Variants in COL19A1 observed in about 807,000 individuals in gnomAD.
COL19A1 encodes collagen type XIX alpha 1 chain.
In COL19A1, 159 loss-of-function variants were observed where a neutral mutation model predicts 190.2. That is an observed-to-expected ratio of 0.84 (90% CI 0.73 to 0.95). COL19A1 has a LOEUF of 0.95. Ranked by LOEUF, COL19A1 falls within the 40% of genes least tolerant of loss-of-function variation. The pLI is 0.00. For missense variants in COL19A1, 1,418 were observed against 1,431.9 expected (o/e 0.99, Z 0.16); for synonymous variants, 509 against 458.9 (o/e 1.11, Z -1.39).
intron 36 of COL19A1, among the ~76,000 whole-genome samples, chr6:70,165,223 A>T (rs917574207): frequency 6.6e-6 from 1 of 152,216 alleles, no homozygotes; most frequent in Non-Finnish European, 1.5e-5. Flanking sequence ...ACCGATAAAC[A>T]TCTATGGTTT....
chr6:69,874,547 C>T (rs867105931), intron 1 of COL19A1, among the ~76,000 whole-genome samples: 2 of 151,994 alleles, frequency 1.3e-5, no homozygotes, highest in Non-Finnish European at 2.9e-5. Flanking sequence ...GTCAGGAGAT[C>T]GAGACCATCC....
At chr6:70,074,262 G>T (rs1781729720) in intron 15 of COL19A1, among the ~76,000 whole-genome samples, 1 of 152,048 alleles carries the variant, frequency 6.6e-6, no homozygotes, top group Admixed American at 6.5e-5. Context: ...ACTTTGGAAG[G>T]CCAAGACGGG....
intron 15 of COL19A1, among the ~76,000 whole-genome samples, chr6:70,080,984 T>C (rs183135812): frequency 1.3e-5 from 2 of 152,288 alleles, no homozygotes; most frequent in African/African-American, 4.8e-5. Context: ...CTTTTCAAAG[T>C]AAAATGAGGA....
chr6:70,202,409 A>G (rs1767606598), intron 49 of COL19A1, among the ~76,000 whole-genome samples: 1 of 152,220 alleles, frequency 6.6e-6, no homozygotes, highest in African/African-American at 2.4e-5. Context: ...AGTTTTTAAA[A>G]CCAAAAGTTG....
intron 16 of COL19A1, among the ~76,000 whole-genome samples, chr6:70,115,940 A>G (rs1784554264): frequency 1.3e-5 from 2 of 150,036 alleles, no homozygotes; most frequent in Non-Finnish European, 2.9e-5. Context: ...TGCTTAATTT[A>G]TGTAATTAAA....
intron 11 of COL19A1, among the ~76,000 whole-genome samples, chr6:69,968,462 G>A (rs1161005443): frequency 6.6e-6 from 1 of 151,960 alleles, no homozygotes; most frequent in African/African-American, 2.4e-5. Context: ...TATTTAACTT[G>A]TAACAGCAGA....
In COL19A1 at chr6:70,207,497, A is replaced by G. The variant is rs1262995581; in HGVS notation, c.*223A>G. 3.0e-6 allele frequency: 1 copy of G among 329,612 alleles called. No individual in the cohort carries two copies. Among genetic ancestry groups the G allele is most frequent in the African/African-American group, 2.1e-5 (1 of 47,064 alleles). The allele number at this position is 329,612 out of a possible 1,614,324, so 20.4% of individuals were successfully genotyped here. On this transcript the variant is annotated 3_prime_UTR_variant, in exon 51 of 51. Transcript: ENST00000620364. ...TTCATTCCATATGTTTTGCTTTACA[A>G]TTGCTATGATTTTTACTCAGAGTTT...
chr6:70,077,815 A>G (rs1582855166), intron 15 of COL19A1, among the ~76,000 whole-genome samples: 1 of 152,166 alleles, frequency 6.6e-6, no homozygotes, highest in South Asian at 2.1e-4. Flanking sequence ...TGTAAACACA[A>G]TTTATGTGCA....
intron 11 of COL19A1, among the ~76,000 whole-genome samples, chr6:70,008,543 TA>T (rs1777774633): frequency 6.6e-6 from 1 of 152,086 alleles, no homozygotes; most frequent in Non-Finnish European, 1.5e-5. Flanking sequence ...TTGTAATAGT[TA>T]AAATCTTGCT....
chr6:70,041,099 A>T (rs1779614202), intron 14 of COL19A1, among the ~76,000 whole-genome samples: 1 of 152,356 alleles, frequency 6.6e-6, no homozygotes, highest in East Asian at 1.9e-4. Flanking sequence ...ACACACAAAA[A>T]AGAAAGACTA....
At chr6:70,090,681 C>A (rs1782865752) in intron 15 of COL19A1, among the ~76,000 whole-genome samples, 1 of 152,088 alleles carries the variant, frequency 6.6e-6, no homozygotes, top group Non-Finnish European at 1.5e-5. Flanking sequence ...GGCAATTTTA[C>A]CTTCTGGCCT....
rs149787569 is a variant in COL19A1 at position 69,998,904 on chromosome 6, G to A, written c.1027-24723G>A. On this transcript the variant is annotated intron_variant, in intron 11 of 50. Transcript: ENST00000620364. ...ACTTCAAAGTTGCAGACATGAGTACGTTTCACTTCTAAAATGTTAACATGC... is the reference window on the plus strand; with the variant it reads ...ACTTCAAAGTTGCAGACATGAGTACATTTCACTTCTAAAATGTTAACATGC... Among the ~76,000 whole-genome samples, 995 of 151,422 alleles carry A rather than the reference G, an allele frequency of 6.6e-3. 9 individuals are homozygous for A. The highest frequency in any genetic ancestry group is 0.023 in the African/African-American group (943 of 41,290).
At chr6:69,954,474 G>T (rs1185365180) in intron 9 of COL19A1, among the ~76,000 whole-genome samples, 2 of 151,990 alleles carry the variant, frequency 1.3e-5, no homozygotes, top group Admixed American at 1.3e-4. Context: ...AGGAAAGATC[G>T]GAAAAGCACC....
chr6:69,895,130 G>T (rs1176474651), intron 2 of COL19A1, among the ~76,000 whole-genome samples: 1 of 152,212 alleles, frequency 6.6e-6, no homozygotes, highest in Non-Finnish European at 1.5e-5. Flanking sequence ...CCAGTCAGCT[G>T]GCTGTGGGGG....
chr6:70,096,291 G>A (rs1582900035), intron 15 of COL19A1, among the ~76,000 whole-genome samples: 1 of 149,460 alleles, frequency 6.7e-6, no homozygotes, highest in Admixed American at 6.7e-5. Context: ...ACGGGGTTTT[G>A]CCATGGTGCC....
At chr6:69,895,282 G>C (rs1364507121) in intron 2 of COL19A1, among the ~76,000 whole-genome samples, 3 of 152,196 alleles carry the variant, frequency 2.0e-5, no homozygotes, top group African/African-American at 4.8e-5. Flanking sequence ...TGGTGGGGTG[G>C]TTTCCCATAA....
At position 69,938,341 on chromosome 6, in the gene COL19A1, C is replaced by T. The variant is rs113405801; in HGVS notation, c.936+241C>T. On this transcript the variant is annotated intron_variant, in intron 9 of 50. Coordinates refer to ENST00000620364, the MANE Select transcript of COL19A1 (RefSeq NM_001858.6). ...GATCTGGAACTGCAAGTCTTTGTAC[C>T]TATAAGCTCTAGCAAAACTGTGAAG... Among the ~76,000 whole-genome samples, 1,210 of 152,142 alleles carry T rather than the reference C, an allele frequency of 8.0e-3. 11 individuals carry two copies. Among genetic ancestry groups the T allele is most frequent in the Non-Finnish European group, 0.011 (745 of 67,988 alleles).
chr6:69,958,950 T>A (rs1774599167), intron 9 of COL19A1, among the ~76,000 whole-genome samples: 1 of 152,224 alleles, frequency 6.6e-6, no homozygotes, highest in Admixed American at 6.5e-5. Context: ...GTTTAAAAAC[T>A]GTTATCTTAT....
At chr6:69,984,242 T>C (rs1049836717) in intron 11 of COL19A1, among the ~76,000 whole-genome samples, 2 of 152,166 alleles carry the variant, frequency 1.3e-5, no homozygotes, top group Admixed American at 6.5e-5. Context: ...TGTCTATTGA[T>C]TTCCTTCCCT....
Sources: allele counts gnomAD v4.1 joint callset (sites outside exome capture counted in the v4.1 genomes callset), GRCh38; gene constraint gnomAD v4.1.1; transcripts MANE v1.5; gene names NCBI Gene and HGNC (gene_info 2026-07-23, HGNC 2026-07-21).